USP9X: variants seen among roughly 807,000 people sequenced by gnomAD.
The protein encoded by USP9X is ubiquitin specific peptidase 9 X-linked.
USP9X carries 7 observed loss-of-function variants against 190.3 expected under a neutral mutation model. That is an observed-to-expected ratio of 0.04 (90% CI 0.02 to 0.07). The LOEUF (loss-of-function observed/expected upper bound fraction) is 0.07. Among genes scored for constraint, USP9X ranks in the 10% least tolerant of loss-of-function variants. The pLI, the probability that USP9X is intolerant of heterozygous loss-of-function variation, is 1.00. For synonymous variants in USP9X, 645 were observed against 659.5 expected (o/e 0.98, Z 0.34); for missense variants, 1,010 against 1,916.9 (o/e 0.53, Z 8.83).
At chrX:41,105,640 T>G (rs1185830843) in intron 1 of USP9X, among the ~76,000 whole-genome samples, 1 of 112,236 alleles carries the variant, frequency 8.9e-6, no homozygotes, top group Non-Finnish European at 1.9e-5. Flanking sequence ...TCCCTTTCAG[T>G]TCTTTTGAGT....
At position 41,169,883 on chromosome X, in the gene USP9X, C is replaced by T. The variant is rs936870024; in HGVS notation, c.2637-112C>T. On this transcript the variant is annotated intron_variant, in intron 18 of 44. Coordinates refer to ENST00000378308, the MANE Select transcript of USP9X (RefSeq NM_001039591.3). Reference sequence around the variant, plus strand: ...GTATTAAGTATCTTTAATTCACATCCTCTTGTTTAATAAGAAAATACTTAG... The same window carrying T: ...GTATTAAGTATCTTTAATTCACATCTTCTTGTTTAATAAGAAAATACTTAG... 1.1e-5 allele frequency: 11 copies of T among 956,658 alleles called. No homozygotes were observed. The African/African-American group carries it at 1.6e-4, about 14-fold the overall frequency. 78.8% of individuals were successfully genotyped at this position (956,658 alleles called of 1,213,427 possible).
chrX:41,119,878 C>T (rs2037172152), intron 1 of USP9X, among the ~76,000 whole-genome samples: 1 of 112,375 alleles, frequency 8.9e-6, no homozygotes, highest in South Asian at 3.6e-4. Flanking sequence ...CCCAAAGTGG[C>T]TAAGGAAAAT....
At chrX:41,109,765 G>A (rs1200798937) in intron 1 of USP9X, among the ~76,000 whole-genome samples, 2 of 65,541 alleles carry the variant, frequency 3.1e-5, no homozygotes, top group African/African-American at 4.1e-5. Context: ...GCATCACACT[G>A]GGGATGGGGG....
intron 21 of USP9X, among the ~76,000 whole-genome samples, chrX:41,182,560 T>TAA (rs2147153319): frequency 9.0e-6 from 1 of 111,146 alleles, no homozygotes; most frequent in South Asian, 3.8e-4. Flanking sequence ...ATGTCAAGTC[T>TAA]TTGGGCATTA....
chrX:41,109,101 A>C (rs1243079758), intron 1 of USP9X, among the ~76,000 whole-genome samples: 1 of 111,924 alleles, frequency 8.9e-6, no homozygotes, highest in Non-Finnish European at 1.9e-5. Flanking sequence ...CTCAAATGCC[A>C]CAGACTATCC....
chrX:41,165,216 A>C (rs955262004), intron 15 of USP9X, among the ~76,000 whole-genome samples: 1 of 111,603 alleles, frequency 9.0e-6, no homozygotes, highest in Non-Finnish European at 1.9e-5. Flanking sequence ...TTCTCTACTT[A>C]AATATGACTG....
Position 41,224,900 on chromosome X carries a change from C to T in USP9X, c.6910C>T (p.Arg2304Cys), listed in dbSNP as rs771152596. ...TTCAGAGGAAACCGTCAAATTGCTT[C>T]GTTTTTGCTGCTGGGAGAATCCTCA... ...SNSEETVKLL[R>C]FCCWENPQFS... Residue 2304 changes from arginine (R) to cysteine (C), a missense_variant, in exon 40 of 45, where the codon CGT (arginine) becomes TGT (cysteine). Physicochemically the swap from Arg to Cys is radical, Grantham distance 180 (BLOSUM62 -3). This residue lies in a region of USP9X where 121 missense variants were observed against 281.2 expected (regional missense o/e 0.43). Coordinates refer to ENST00000378308, the MANE Select transcript of USP9X (RefSeq NM_001039591.3). 4 of 1,210,505 alleles carry T rather than the reference C, an allele frequency of 3.3e-6. No individual in the cohort carries two copies. The highest frequency in any genetic ancestry group is 1.7e-5 in the African/African-American group (1 of 57,357).
At chrX:41,119,060 G>A (rs935600506) in intron 1 of USP9X, among the ~76,000 whole-genome samples, 1 of 111,923 alleles carries the variant, frequency 8.9e-6, no homozygotes, top group African/African-American at 3.2e-5. Flanking sequence ...CTTCTCATGC[G>A]TCCCCTAATG....
At position 41,152,967 on chromosome X, in the gene USP9X, C is replaced by T. The variant is rs1353518235; in HGVS notation, c.1783C>T (p.His595Tyr). 1 of 1,209,002 alleles carries T rather than the reference C, an allele frequency of 8.3e-7. No homozygotes were observed. The highest frequency in any genetic ancestry group is 1.1e-6 in the Non-Finnish European group (1 of 894,207). The part of the protein sequence containing the change: ...QNLSQTQRSP[H>Y]VFYRHDLINQ... ...TTTCAGTCAAACTCAGCGAAGTCCCCATGTGTTTTATCGCCATGACTTAAT... is the reference window on the plus strand; with the variant it reads ...TTTCAGTCAAACTCAGCGAAGTCCCTATGTGTTTTATCGCCATGACTTAAT... The change falls in exon 14 of 45, where the codon CAT becomes TAT. Residue 595 changes from histidine to tyrosine, a missense_variant. His to Tyr is a moderately conservative substitution (Grantham distance 83, BLOSUM62 2). Transcript: ENST00000378308.
intron 30 of USP9X, among the ~76,000 whole-genome samples, chrX:41,200,065 ATCTT>A (rs764775768): frequency 3.6e-5 from 4 of 112,199 alleles, no homozygotes; most frequent in Non-Finnish European, 7.5e-5. Flanking sequence ...ATTATAGTAA[ATCTT>A]TAAGAACATG....
At chrX:41,140,208 G>A (rs1180763724) in intron 6 of USP9X, among the ~76,000 whole-genome samples, 1 of 112,217 alleles carries the variant, frequency 8.9e-6, no homozygotes, top group African/African-American at 3.2e-5. Context: ...ATTAGTTACT[G>A]TGTTTATAGG....
chrX:41,148,240 G>T (rs1248454351), intron 11 of USP9X, 129 bp from the exon 12 acceptor site: 1 of 651,155 alleles, frequency 1.5e-6, no homozygotes, highest in African/African-American at 2.2e-5. Flanking sequence ...TATATTTTCA[G>T]ATCTCACTTG....
Position 41,143,387 on chromosome X carries a change from G to C in USP9X, c.1258G>C (p.Val420Leu). The C allele has an allele frequency of 8.3e-7, 1 of 1,206,162 alleles. No individual in the cohort carries two copies. The highest frequency in any genetic ancestry group is 1.1e-6 in the Non-Finnish European group (1 of 892,408). Residue 420 changes from valine to leucine, a missense_variant, in exon 10 of 45, where the codon GTC becomes CTC. Coordinates refer to ENST00000378308, the MANE Select transcript of USP9X (RefSeq NM_001039591.3). Reference protein sequence around the residue: ...VEKLEKILRFVIKEKALTLQD... With the variant: ...VEKLEKILRFLIKEKALTLQD... ...AAAGTTAGAGAAGATTCTTCGTTTT[G>C]TCATCAAAGAAAAAGCTCTGACCTT...
intron 1 of USP9X, among the ~76,000 whole-genome samples, chrX:41,119,681 T>G (rs1569155926): frequency 8.9e-6 from 1 of 112,405 alleles, no homozygotes; most frequent in Non-Finnish European, 1.9e-5. Flanking sequence ...TATTCACATA[T>G]TAGCCAGGTG....
chrX:41,114,370 G>A (rs545211554), intron 1 of USP9X, among the ~76,000 whole-genome samples: 1 of 111,441 alleles, frequency 9.0e-6, no homozygotes, highest in Non-Finnish European at 1.9e-5. Context: ...GTGGTTGTCC[G>A]CCATTTCAGA....
At chrX:41,105,361 A>T in intron 1 of USP9X, among the ~76,000 whole-genome samples, 1 of 111,810 alleles carries the variant, frequency 8.9e-6, no homozygotes, top group African/African-American at 3.3e-5. Flanking sequence ...CTACTTTGTG[A>T]ATTTGACGAC....
intron 39 of USP9X, 52 bp from the exon 40 acceptor site, chrX:41,224,690 T>C: frequency 2.0e-6 from 2 of 1,000,225 alleles, no homozygotes; most frequent in African/African-American, 1.9e-5. Flanking sequence ...TTGTGTATTA[T>C]TATTGTGAAG....
In USP9X at chrX:41,235,717, AT is replaced by A. The variant is rs2063394671; in HGVS notation, c.*3195del. 1 of 110,343 alleles carries A rather than the reference AT, an allele frequency of 9.1e-6. No homozygotes were observed. The highest frequency in any genetic ancestry group is 3.3e-5 in the African/African-American group (1 of 30,245). The allele number at this position is 110,343 out of a possible 1,213,427, so 9.1% of individuals were successfully genotyped here. A position where few individuals can be genotyped will look rare whatever the true frequency, so the allele number is the denominator to read the frequency against. ...ACATACTAGGTTTTTTTTTTCTTTCATTGATTTTTCTCCTGGTGATAATTTC... is the reference window on the plus strand; with the variant it reads ...ACATACTAGGTTTTTTTTTTCTTTCATGATTTTTCTCCTGGTGATAATTTC... On this transcript the variant is annotated 3_prime_UTR_variant, in exon 45 of 45. Coordinates refer to ENST00000378308, the MANE Select transcript of USP9X (RefSeq NM_001039591.3).
rs1267621807 is a variant in USP9X, at chrX:41,104,256, G to C, written c.-159+18147G>C. The stretch of plus-strand genomic sequence containing the variant: ...TAATTTTTGTATTTTTTGTAGAGAA[G>C]GATTTTGCCATATTGCCCAGGCTGG... On this transcript the variant is annotated intron_variant, in intron 1 of 44. Transcript: ENST00000378308. Among the ~76,000 whole-genome samples, 40 of 111,515 alleles carry C rather than the reference G, an allele frequency of 3.6e-4. No individual in the cohort carries two copies. In the Admixed American group the frequency reaches 3.6e-3, roughly 10 times the overall value.
Sources: gnomAD v4.1 joint callset for allele counts (sites outside exome capture counted in the v4.1 genomes callset) on GRCh38, gnomAD v4.1.1 for gene constraint, gnomAD v4.1.1 regional missense constraint, MANE v1.5 for transcripts, NCBI Gene and HGNC (gene_info 2026-07-23, HGNC 2026-07-21) for gene names.